Variants in ZNF280D observed in about 807,000 individuals in gnomAD.
The protein encoded by ZNF280D is zinc finger protein 280D, also known as suppressor of hairy wing homolog 4.
ZNF280D carries 39 observed loss-of-function variants against 94.7 expected under a neutral mutation model. The ratio of observed to expected loss-of-function variants is 0.41; its 90% CI spans 0.32 to 0.54. The LOEUF (loss-of-function observed/expected upper bound fraction) is 0.54. Among genes scored for constraint, ZNF280D ranks in the 20% least tolerant of loss-of-function variants. The pLI is 0.22. For synonymous variants in ZNF280D, 398 were observed against 377.6 expected (o/e 1.05, Z -0.63); for missense variants, 1,090 against 1,149.3 (o/e 0.95, Z 0.75).
At chr15:56,654,120 GT>G in intron 19 of ZNF280D, 77 bp downstream of exon 19, 1 of 1,550,428 alleles carries the variant, frequency 6.4e-7, no homozygotes. Context: ...CTTTTCATTC[GT>G]ATTAATGATA....
Position 56,676,554 on chromosome 15 carries a change from G to C in ZNF280D, c.1410+116C>G, listed in dbSNP as rs1338434169. ...ATTCAACTTGAAGTGTAAATTAATAGTGTCATTTGGAACAACTCTGCTTCT... is the reference window on the plus strand; with the variant it reads ...ATTCAACTTGAAGTGTAAATTAATACTGTCATTTGGAACAACTCTGCTTCT... On this transcript the variant is annotated intron_variant, in intron 13 of 21. Coordinates refer to ENST00000267807, the MANE Select transcript of ZNF280D (RefSeq NM_017661.4). The C allele has an allele frequency of 2.4e-5, 20 of 836,690 alleles. 1 individual carries two copies. Among genetic ancestry groups the C allele is most frequent in the Non-Finnish European group, 2.6e-5 (15 of 583,312 alleles). The allele number at this position is 836,690 out of a possible 1,614,324, so 51.8% of individuals were successfully genotyped here.
chr15:56,640,924 T>A (rs1665146246), intron 20 of ZNF280D, among the ~76,000 whole-genome samples: 1 of 152,148 alleles, frequency 6.6e-6, no homozygotes, highest in Non-Finnish European at 1.5e-5. Context: ...AATATTTAAG[T>A]GCAAACTTAG....
At chr15:56,666,051 G>A (rs2054266982) in intron 16 of ZNF280D, among the ~76,000 whole-genome samples, 1 of 151,912 alleles carries the variant, frequency 6.6e-6, no homozygotes, top group African/African-American at 2.4e-5. Context: ...CAGGGGAATT[G>A]CTTGATCCTG....
chr15:56,635,096 AT>A, intron 21 of ZNF280D, 98 bp downstream of exon 21: 1 of 670,448 alleles, frequency 1.5e-6, no homozygotes, highest in Non-Finnish European at 2.4e-6. Context: ...ATATACAAAC[AT>A]TTAAATAGTC....
chr15:56,683,251 C>T (rs2055758712), intron 9 of ZNF280D, among the ~76,000 whole-genome samples: 1 of 151,966 alleles, frequency 6.6e-6, no homozygotes, highest in South Asian at 2.1e-4. Context: ...TGGACAACAA[C>T]TTGTAGTGAA....
At chr15:56,717,034 G>C (rs960996305) in intron 1 of ZNF280D, among the ~76,000 whole-genome samples, 1 of 152,082 alleles carries the variant, frequency 6.6e-6, no homozygotes, top group African/African-American at 2.4e-5. Context: ...ATGACAAGAG[G>C]CCCAGCTATG....
chr15:56,724,353 C>G (rs1461235843), intron 1 of ZNF280D, among the ~76,000 whole-genome samples: 1 of 152,166 alleles, frequency 6.6e-6, no homozygotes, highest in Non-Finnish European at 1.5e-5. Flanking sequence ...AAGCAGAGCT[C>G]GGTTAGGTTA....
intron 19 of ZNF280D, among the ~76,000 whole-genome samples, chr15:56,649,107 A>G (rs1288098241): frequency 6.6e-6 from 1 of 152,148 alleles, no homozygotes; most frequent in Non-Finnish European, 1.5e-5. Context: ...AACGTGAAGA[A>G]AAAAAATAAG....
intron 10 of ZNF280D, among the ~76,000 whole-genome samples, chr15:56,679,858 T>C (rs772855976): frequency 1.1e-4 from 17 of 152,220 alleles, no homozygotes; most frequent in Admixed American, 6.5e-5. Flanking sequence ...AAATATCTTT[T>C]CCTCCTTTGG....
intron 1 of ZNF280D, among the ~76,000 whole-genome samples, chr15:56,711,537 T>C (rs1237238458): frequency 6.6e-6 from 1 of 152,082 alleles, no homozygotes; most frequent in Non-Finnish European, 1.5e-5. Context: ...TGGTGGAGCA[T>C]GCCTGTAATC....
intron 1 of ZNF280D, chr15:56,733,116 G>A (rs1329664207): frequency 6.5e-6 from 1 of 152,838 alleles, no homozygotes; most frequent in African/African-American, 2.4e-5. Context: ...TGCCTCCAGA[G>A]AGAAAAGCCA....
chr15:56,654,448 C>G lies in ZNF280D; in HGVS notation c.2113G>C (p.Asp705His). 6.2e-7 allele frequency: 1 copy of G among 1,611,294 alleles called. No homozygotes were observed. The highest frequency in any genetic ancestry group is 8.5e-7 in the Non-Finnish European group (1 of 1,179,216). Residue 705 changes from aspartate (D) to histidine (H), a missense_variant, in exon 18 of 22, where the codon GAT (aspartate) becomes CAT (histidine). This residue lies in a region of ZNF280D where 577 missense variants were observed against 568.8 expected (regional missense o/e 1.01). Coordinates refer to ENST00000267807, the MANE Select transcript of ZNF280D (RefSeq NM_017661.4). ...TGACTTAAGTGTGTAGCCATATTATCTAAGCCAGAAACATCACTTAGGAAA... is the reference window on the plus strand; with the variant it reads ...TGACTTAAGTGTGTAGCCATATTATGTAAGCCAGAAACATCACTTAGGAAA... The part of the protein sequence containing the change: ...CDFLSDVSGL[D>H]NMATHLSQHK...
intron 9 of ZNF280D, among the ~76,000 whole-genome samples, chr15:56,686,222 T>G (rs2056003896): frequency 6.6e-6 from 1 of 152,214 alleles, no homozygotes; most frequent in Non-Finnish European, 1.5e-5. Context: ...CACTGCAACC[T>G]CCGCCTCCCA....
intron 9 of ZNF280D, among the ~76,000 whole-genome samples, chr15:56,686,300 G>C (rs1490703426): frequency 2.6e-5 from 4 of 152,120 alleles, no homozygotes; most frequent in Non-Finnish European, 2.9e-5. Context: ...ACCATGCCTG[G>C]CTAAGTTCTT....
At chr15:56,707,825 T>G (rs1470317063) in intron 1 of ZNF280D, among the ~76,000 whole-genome samples, 1 of 151,812 alleles carries the variant, frequency 6.6e-6, no homozygotes, top group Admixed American at 6.6e-5. Flanking sequence ...GTATGGAAGG[T>G]AATGTGCTAA....
intron 12 of ZNF280D, among the ~76,000 whole-genome samples, chr15:56,677,299 T>C (rs373911162): frequency 4.6e-5 from 7 of 152,346 alleles, no homozygotes; most frequent in East Asian, 3.9e-4. Context: ...CAGCACTTTG[T>C]ATTTCCCTTG....
intron 11 of ZNF280D, 37 bp downstream of exon 11, chr15:56,678,627 C>T (rs749960484): frequency 6.9e-7 from 1 of 1,458,768 alleles, no homozygotes; most frequent in South Asian, 1.5e-5. Flanking sequence ...TTAGCGAAAT[C>T]AATAATATGG....
chr15:56,718,202 T>C (rs1360943335), intron 1 of ZNF280D, among the ~76,000 whole-genome samples: 2 of 152,170 alleles, frequency 1.3e-5, no homozygotes, highest in Non-Finnish European at 2.9e-5. Context: ...CAACCTGTTA[T>C]ATCCAAATAT....
chr15:56,666,977 G>T lies in ZNF280D; in HGVS notation c.1555C>A (p.Arg519=). 1 of 1,584,802 alleles carries T rather than the reference G, an allele frequency of 6.3e-7. No individual in the cohort carries two copies. Among genetic ancestry groups the T allele is most frequent in the Non-Finnish European group, 8.6e-7 (1 of 1,166,768 alleles). Residue 519 remains arginine, a synonymous_variant, in exon 15 of 22, where the codon CGA becomes AGA. Transcript: ENST00000267807. ...GATTGCAGAGGTCCAACTGAAGCTCGAATAGTAACCTACAAAAATAAAGAG... is the reference window on the plus strand; with the variant it reads ...GATTGCAGAGGTCCAACTGAAGCTCTAATAGTAACCTACAAAAATAAAGAG... ...GLPPGTKVTI[R]ASVGPLQSGA...
Sources: allele counts gnomAD v4.1 joint callset (sites outside exome capture counted in the v4.1 genomes callset), GRCh38; gene constraint gnomAD v4.1.1; regional missense constraint gnomAD v4.1.1; transcripts MANE v1.5; gene names NCBI Gene and HGNC (gene_info 2026-07-23, HGNC 2026-07-21).